ZFHX2: variants seen among roughly 807,000 people sequenced by gnomAD.
ZFHX2 encodes the protein zinc finger homeobox 2.
A neutral mutation model predicts 164.8 loss-of-function variants in ZFHX2; 75 were observed. The observed-to-expected ratio is 0.46, with a 90% CI of 0.38 to 0.55. The LOEUF is 0.55. Among genes scored for constraint, ZFHX2 ranks in the 20% least tolerant of loss-of-function variants. The probability of loss-of-function intolerance (pLI) is 0.00; values close to 1 mark genes in which losing one functional copy is unlikely to be tolerated. For missense variants in ZFHX2, 2,933 were observed against 3,308.0 expected, an observed-to-expected ratio of 0.89 and a Z score of 2.78; for synonymous variants, 1,217 against 1,351.4, an observed-to-expected ratio of 0.90 and a Z score of 2.18.
chr14:23,552,087 C>T (rs1195963374), upstream of ZFHX2, among the ~76,000 whole-genome samples: 2 of 152,032 alleles, frequency 1.3e-5, no homozygotes, highest in Non-Finnish European at 2.9e-5. Flanking sequence ...TTTTTTCATT[C>T]TCTTCTTCCT....
At chr14:23,540,936 C>T (rs951050736) in intron 1 of ZFHX2, among the ~76,000 whole-genome samples, 5 of 151,752 alleles carry the variant, frequency 3.3e-5, no homozygotes, top group African/African-American at 9.7e-5. Context: ...GACAGAGTCT[C>T]GCTCTGTCAC....
intron 1 of ZFHX2, among the ~76,000 whole-genome samples, chr14:23,538,703 G>C (rs1308895067): frequency 6.6e-6 from 1 of 152,158 alleles, no homozygotes; most frequent in East Asian, 1.9e-4. Flanking sequence ...CCCTGACATT[G>C]CTTCCTCTGA....
intron 1 of ZFHX2, among the ~76,000 whole-genome samples, chr14:23,550,436 G>T (rs974568556): frequency 6.6e-6 from 1 of 152,244 alleles, no homozygotes; most frequent in Non-Finnish European, 1.5e-5. Context: ...GGCAGCCAAG[G>T]CGTGACACAT....
chr14:23,535,189 G>T lies in ZFHX2; in HGVS notation c.137C>A (p.Ser46Tyr). 6.5e-7 allele frequency: 1 copy of T among 1,531,686 alleles called. No homozygotes were observed. 94.9% of individuals were successfully genotyped at this position (1,531,686 alleles called of 1,614,324 possible). A position where few individuals can be genotyped will look rare whatever the true frequency, so the allele number is the denominator to read the frequency against. ...TGAGGACCTCATGTTCTCAGAGGTG[G>T]AGGAGGCAGCAGGGGGATCTTTGGT... The part of the protein sequence containing the change: ...PVTKDPPAAS[S>Y]TSENMRSSEP... The change falls in exon 2 of 10, where the codon TCC becomes TAC. Residue 46 changes from serine to tyrosine, a missense_variant. Ser to Tyr is a moderately radical substitution (Grantham distance 144, BLOSUM62 -2). Coordinates refer to ENST00000419474, the MANE Select transcript of ZFHX2 (RefSeq NM_033400.3). The surrounding 1 kb of genome is among the most constrained non-coding windows in gnomAD (Gnocchi z 4.5).
At chr14:23,542,355 A>T (rs192922528) in intron 1 of ZFHX2, 1 of 152,464 alleles carries the variant, frequency 6.6e-6, no homozygotes, top group Non-Finnish European at 1.5e-5. Flanking sequence ...GGGAAGCGGT[A>T]GGCTGAAACC....
At chr14:23,537,165 CAG>C (rs977851534) in intron 1 of ZFHX2, among the ~76,000 whole-genome samples, 7 of 151,932 alleles carry the variant, frequency 4.6e-5, no homozygotes, top group Non-Finnish European at 7.4e-5. Context: ...ACCAAAAAAA[CAG>C]AAAGAAAGAA....
chr14:23,525,864 G>C lies in ZFHX2; in HGVS notation c.4078C>G (p.Gln1360Glu), dbSNP rs566304076. 2.8e-4 allele frequency: 401 copies of C among 1,456,550 alleles called. 4 individuals are homozygous for C. The Middle Eastern group carries it at 6.6e-3, about 24-fold the overall frequency. 90.2% of individuals were successfully genotyped at this position (1,456,550 alleles called of 1,614,324 possible). ...LVPESLLKLQ[Q>E]QQLLLPFYLH... ...TAGAAGGGCAGGAGCAGCTGCTGCT[G>C]CTGGAGCTTAAGCAGTGATTCGGGC... The change falls in exon 9 of 10, where the codon CAG becomes GAG. Residue 1360 changes from glutamine to glutamate, a missense_variant. Coordinates refer to ENST00000419474, the MANE Select transcript of ZFHX2 (RefSeq NM_033400.3). This position sits in a 1 kb window ranked among gnomAD's most constrained non-coding sequence, Gnocchi z 5.9.
In ZFHX2 at chr14:23,521,952, G is replaced by A; in HGVS notation, c.*10C>T. ...GAGGCCCTCCCCTCTCCCCATCTTG[G>A]TTAATCTGTTTATAAAGCTAGAAGT... On this transcript the variant is annotated 3_prime_UTR_variant, in exon 10 of 10. Transcript: ENST00000419474. 1 of 1,536,054 alleles carries A rather than the reference G, an allele frequency of 6.5e-7. No individual in the cohort carries two copies. Among genetic ancestry groups the A allele is most frequent in the Non-Finnish European group, 8.7e-7 (1 of 1,146,854 alleles).
chr14:23,523,231 CG>C lies in ZFHX2; in HGVS notation c.6710del (p.Pro2237ArgfsTer5), dbSNP rs1211786157. On this transcript the variant is annotated frameshift_variant, in exon 9 of 10. Transcript: ENST00000419474. LOFTEE classifies it high-confidence loss of function. The surrounding 1 kb of genome is among the most constrained non-coding windows in gnomAD (Gnocchi z 4.1). Reference sequence around the variant, plus strand: ...AATTGAAAGGAGCTAAGTTGCCCAGCGGGGGCTGAGCCAGAGCTGGGCCAGA... The same window carrying C: ...AATTGAAAGGAGCTAAGTTGCCCAGCGGGGCTGAGCCAGAGCTGGGCCAGA... ...LLSGPALAQPPLGNLAPFNSG... is the reference protein window; with the variant it reads ...LLSGPALAQPXLGNLAPFNSG... The C allele has an allele frequency of 7.0e-6, 10 of 1,431,500 alleles. No homozygotes were observed. The highest frequency in any genetic ancestry group is 9.1e-6 in the Non-Finnish European group (10 of 1,097,096). The allele number at this position is 1,431,500 out of a possible 1,614,324, so 88.7% of individuals were successfully genotyped here. A position where few individuals can be genotyped will look rare whatever the true frequency, so the allele number is the denominator to read the frequency against.
chr14:23,529,912 C>T (rs960797502), intron 5 of ZFHX2, 144 bp from the exon 6 acceptor site: 50 of 992,012 alleles, frequency 5.0e-5, no homozygotes, highest in African/African-American at 9.7e-5. Flanking sequence ...GGGCTGACTC[C>T]GGGTCAGTAG....
At chr14:23,540,338 CT>C (rs1427173414) in intron 1 of ZFHX2, among the ~76,000 whole-genome samples, 1 of 152,220 alleles carries the variant, frequency 6.6e-6, no homozygotes, top group Non-Finnish European at 1.5e-5. Context: ...AATCTACCCA[CT>C]TTCCCTTAGA....
chr14:23,553,966 A>G (rs1882156724), upstream of ZFHX2, among the ~76,000 whole-genome samples: 2 of 136,848 alleles, frequency 1.5e-5, no homozygotes, highest in South Asian at 5.0e-4. Context: ...CAGGAGGCTG[A>G]GGCGGGAGAA....
Position 23,533,636 on chromosome 14 carries a change from T to G in ZFHX2, c.1690A>C (p.Lys564Gln). Residue 564 changes from lysine to glutamine, a missense_variant, in exon 2 of 10, where the codon AAG becomes CAG. Transcript: ENST00000419474. This position sits in a 1 kb window ranked among gnomAD's most constrained non-coding sequence, Gnocchi z 4.8. ...TTGCACTGCCAGGATGATTTGGTCT[T>G]AGGCTCTTTGTCTCCCGCGGAGGGT... ...LPPSAGDKEP[K>Q]TKSSWQCKVC... The G allele has an allele frequency of 6.5e-7, 1 of 1,536,966 alleles. No individual in the cohort carries two copies. Among genetic ancestry groups the G allele is most frequent in the South Asian group, 1.2e-5 (1 of 84,074 alleles).
chr14:23,552,126 C>T (rs1268388218), upstream of ZFHX2, among the ~76,000 whole-genome samples: 1 of 152,082 alleles, frequency 6.6e-6, no homozygotes, highest in Non-Finnish European at 1.5e-5. Context: ...CCCCATCTCC[C>T]CCCGCGAAAT....
In ZFHX2 at chr14:23,521,776, T is replaced by G. The variant is rs1019890725; in HGVS notation, c.*186A>C. On this transcript the variant is annotated 3_prime_UTR_variant, in exon 10 of 10. Coordinates refer to ENST00000419474, the MANE Select transcript of ZFHX2 (RefSeq NM_033400.3). ...GATCAATGTGTGTGTCTGTGGGGAT[T>G]GGGAGGAGGCAGGACTCTGCTGGAA... 9.7e-7 allele frequency: 1 copy of G among 1,028,114 alleles called. No homozygotes were observed. 63.7% of individuals were successfully genotyped at this position (1,028,114 alleles called of 1,614,324 possible).
Position 23,522,889 on chromosome 14 carries a change from G to A in ZFHX2, c.6792C>T (p.Thr2264=). ...LLGLATSVLP[T]TTVVQTAGPG... is the part of the protein sequence containing the mutation. ...GGCCAGCAGTCTGGACCACTGTGGT[G>A]GTAGGCAGGACCGAAGTGGCGAGGC... Residue 2264 remains threonine, a synonymous_variant, in exon 10 of 10, where the codon ACC becomes ACT. Coordinates refer to ENST00000419474, the MANE Select transcript of ZFHX2 (RefSeq NM_033400.3). 1.3e-6 allele frequency: 2 copies of A among 1,489,516 alleles called. No individual in the cohort carries two copies. Among genetic ancestry groups the A allele is most frequent in the Non-Finnish European group, 1.8e-6 (2 of 1,123,400 alleles). The allele number at this position is 1,489,516 out of a possible 1,614,324, so 92.3% of individuals were successfully genotyped here.
At chr14:23,550,383 A>T (rs1881826665) in intron 1 of ZFHX2, among the ~76,000 whole-genome samples, 2 of 152,390 alleles carry the variant, frequency 1.3e-5, no homozygotes, top group South Asian at 4.1e-4. Context: ...ATATCCAGAC[A>T]GACTCTGAAG....
rs757030481 is a variant in ZFHX2 at position 23,546,955 on chromosome 14, CCT to C, written c.-50+4386_-50+4387del. Among the ~76,000 whole-genome samples, 1 of 152,196 alleles carries C rather than the reference CCT, an allele frequency of 6.6e-6. No homozygotes were observed. The highest frequency in any genetic ancestry group is 1.9e-4 in the East Asian group (1 of 5,196). Reference sequence around the variant, plus strand: ...TCCTCCAGCACTCCCAGCTCTCTCCCCTGTCTTCTTTTGTAGATTTCTCAACC... The same window carrying C: ...TCCTCCAGCACTCCCAGCTCTCTCCCGTCTTCTTTTGTAGATTTCTCAACC... On this transcript the variant is annotated intron_variant, in intron 1 of 9. Coordinates refer to ENST00000419474, the MANE Select transcript of ZFHX2 (RefSeq NM_033400.3). The surrounding 1 kb of genome is among the most constrained non-coding windows in gnomAD (Gnocchi z 4.7).
chr14:23,528,615 G>A (rs1879094353), intron 6 of ZFHX2: 11 of 985,336 alleles, frequency 1.1e-5, no homozygotes, highest in Non-Finnish European at 1.3e-5. Flanking sequence ...CCATCACCTG[G>A]AAAGGGGCCC....
Sources: allele counts gnomAD v4.1 joint callset (sites outside exome capture counted in the v4.1 genomes callset), GRCh38; gene constraint gnomAD v4.1.1; non-coding constraint Gnocchi (gnomAD v3.1); transcripts MANE v1.5; gene names NCBI Gene and HGNC (gene_info 2026-07-23, HGNC 2026-07-21).